Variants in OPHN1 observed in about 807,000 individuals in gnomAD.
The protein encoded by OPHN1 is oligophrenin-1.
OPHN1 carries 11 observed loss-of-function variants against 60.7 expected under a neutral mutation model. The ratio of observed to expected loss-of-function variants is 0.18; its 90% confidence interval spans 0.11 to 0.30. OPHN1 has a LOEUF of 0.30. Among genes scored for constraint, OPHN1 ranks in the 10% least tolerant of loss-of-function variants. The pLI, the probability that OPHN1 is intolerant of heterozygous loss-of-function variation, is 1.00. For synonymous variants in OPHN1, 226 were observed against 222.6 expected (o/e 1.02, Z -0.14); for missense variants, 449 against 611.0 (o/e 0.73, Z 2.80).
intron 2 of OPHN1, among the ~76,000 whole-genome samples, chrX:68,305,793 T>C (rs1043660195): frequency 1.1e-4 from 12 of 112,001 alleles, no homozygotes; most frequent in African/African-American, 3.9e-4. Flanking sequence ...AAAAAGTCAA[T>C]AAATAAGCAT....
At chrX:68,147,040 A>C (rs2147484091) in intron 15 of OPHN1, among the ~76,000 whole-genome samples, 1 of 112,372 alleles carries the variant, frequency 8.9e-6, no homozygotes, top group Non-Finnish European at 1.9e-5. Flanking sequence ...ATATTTAAGA[A>C]GATGACTGAA....
At chrX:68,172,887 A>G (rs1007843075) in intron 15 of OPHN1, among the ~76,000 whole-genome samples, 4 of 111,231 alleles carry the variant, frequency 3.6e-5, no homozygotes, top group Non-Finnish European at 7.5e-5. Flanking sequence ...TATCCTTGAC[A>G]GTTTCCAGTT....
chrX:68,131,509 C>T (rs1029311693), intron 15 of OPHN1, among the ~76,000 whole-genome samples: 5 of 111,653 alleles, frequency 4.5e-5, no homozygotes, highest in African/African-American at 1.6e-4. Flanking sequence ...AGCCACTGTG[C>T]CCAGCCACAA....
At chrX:68,357,890 T>C (rs1463958411) in intron 2 of OPHN1, among the ~76,000 whole-genome samples, 2 of 110,093 alleles carry the variant, frequency 1.8e-5, no homozygotes, top group African/African-American at 6.6e-5. Context: ...TTTATTGAGA[T>C]AGATAATATT....
chrX:68,217,542 G>T (rs749033890), intron 6 of OPHN1, among the ~76,000 whole-genome samples: 1 of 110,049 alleles, frequency 9.1e-6, no homozygotes, highest in African/African-American at 3.3e-5. Flanking sequence ...TGACAGCTTT[G>T]AAGAGGGCAG....
chrX:68,077,010 G>C (rs1041840698), intron 19 of OPHN1, among the ~76,000 whole-genome samples: 1 of 111,624 alleles, frequency 9.0e-6, no homozygotes, highest in African/African-American at 3.3e-5. Flanking sequence ...TAGTGTGGGA[G>C]TGGCCTGGAG....
In OPHN1 at chrX:68,043,935, C is replaced by T. The variant is rs1205622913; in HGVS notation, c.*3237G>A. ...GAAACTGCCCATGCTACAACCTTGGCGAAGTATGGAGACACCTGTGAGGAC... is the reference window on the plus strand; with the variant it reads ...GAAACTGCCCATGCTACAACCTTGGTGAAGTATGGAGACACCTGTGAGGAC... On this transcript the variant is annotated 3_prime_UTR_variant, in exon 25 of 25. Coordinates refer to ENST00000355520, the MANE Select transcript of OPHN1 (RefSeq NM_002547.3). The T allele has an allele frequency of 4.5e-5, 5 of 111,524 alleles. No individual in the cohort carries two copies. The highest frequency in any genetic ancestry group is 3.8e-4 in the South Asian group (1 of 2,617). 9.2% of individuals were successfully genotyped at this position (111,524 alleles called of 1,213,427 possible).
chrX:68,340,016 A>C (rs1012345392), intron 2 of OPHN1, among the ~76,000 whole-genome samples: 1 of 112,491 alleles, frequency 8.9e-6, no homozygotes, highest in Non-Finnish European at 1.9e-5. Flanking sequence ...ATTAATGCAA[A>C]CTTTGTATAC....
At chrX:68,227,612 C>T in intron 6 of OPHN1, among the ~76,000 whole-genome samples, 1 of 111,567 alleles carries the variant, frequency 9.0e-6, no homozygotes, top group Non-Finnish European at 1.9e-5. Context: ...TCACTCAAAA[C>T]CGCTCAACTA....
chrX:68,272,251 A>G, intron 5 of OPHN1, among the ~76,000 whole-genome samples: 1 of 111,355 alleles, frequency 9.0e-6, no homozygotes, highest in East Asian at 2.8e-4. Context: ...GTAGATATGC[A>G]GGTTGGCCTT....
intron 5 of OPHN1, among the ~76,000 whole-genome samples, chrX:68,266,036 C>A (rs1424853970): frequency 6.3e-5 from 7 of 111,335 alleles, no homozygotes; most frequent in Non-Finnish European, 1.3e-4. Context: ...TGTGAAAAGA[C>A]CAAATCTACG....
At chrX:68,144,508 T>C (rs1458500607) in intron 15 of OPHN1, among the ~76,000 whole-genome samples, 1 of 111,916 alleles carries the variant, frequency 8.9e-6, no homozygotes, top group Non-Finnish European at 1.9e-5. Context: ...AGTTGGAATT[T>C]AGACATTAAC....
At chrX:68,213,032 G>T (rs1264937312) in intron 7 of OPHN1, among the ~76,000 whole-genome samples, 5 of 112,172 alleles carry the variant, frequency 4.5e-5, no homozygotes, top group Admixed American at 2.8e-4. Flanking sequence ...ACATATAAAT[G>T]ATACACAACA....
At position 68,287,627 on chromosome X, in the gene OPHN1, G is replaced by A. The variant is rs145824352; in HGVS notation, c.251-4510C>T. Among the ~76,000 whole-genome samples, 721 of 111,937 alleles carry A rather than the reference G, an allele frequency of 6.4e-3. 28 individuals are homozygous for A. Among genetic ancestry groups the A allele is most frequent in the Admixed American group, 0.06 (631 of 10,542 alleles). On this transcript the variant is annotated intron_variant, in intron 3 of 24. Transcript: ENST00000355520. ...CACACCCATTCTACCCTCACCCATG[G>A]CTGCTAGAATGGTGGTTTGCACACA...
chrX:68,193,253 G>A (rs894630493), intron 14 of OPHN1, among the ~76,000 whole-genome samples: 3 of 111,900 alleles, frequency 2.7e-5, no homozygotes, highest in Non-Finnish European at 5.6e-5. Context: ...TAGTTTGGGC[G>A]GCAGCAGAAA....
chrX:68,092,294 A>G (rs555208003), intron 19 of OPHN1, among the ~76,000 whole-genome samples: 31 of 112,106 alleles, frequency 2.8e-4, no homozygotes, highest in Admixed American at 2.7e-3. Context: ...GCTCTCACAC[A>G]TATTATCTCT....
chrX:68,335,358 T>TACA (rs1422341193), intron 2 of OPHN1, among the ~76,000 whole-genome samples: 1 of 111,849 alleles, frequency 8.9e-6, no homozygotes, highest in Non-Finnish European at 1.9e-5. Context: ...TAGAGTTTGT[T>TACA]AATACACATA....
At chrX:68,121,053 G>A (rs1201343947) in intron 15 of OPHN1, among the ~76,000 whole-genome samples, 1 of 112,088 alleles carries the variant, frequency 8.9e-6, no homozygotes, top group Non-Finnish European at 1.9e-5. Flanking sequence ...GAAAACATAG[G>A]TGAAAAGCTC....
intron 2 of OPHN1, among the ~76,000 whole-genome samples, chrX:68,378,484 G>A (rs1263138581): frequency 8.9e-6 from 1 of 111,847 alleles, no homozygotes; most frequent in Non-Finnish European, 1.9e-5. Context: ...TGCTTTTGGT[G>A]TTTTAGACAT....
Sources: gnomAD v4.1 joint callset for allele counts (sites outside exome capture counted in the v4.1 genomes callset) on GRCh38, gnomAD v4.1.1 for gene constraint, MANE v1.5 for transcripts, NCBI Gene and HGNC (gene_info 2026-07-23, HGNC 2026-07-21) for gene names.